ADGRL2: variants seen among roughly 807,000 people sequenced by gnomAD.
ADGRL2 encodes calcium-independent alpha-latrotoxin receptor 2.
ADGRL2 carries 44 observed loss-of-function variants against 157.4 expected under a neutral mutation model. That is an observed-to-expected ratio of 0.28 (90% confidence interval 0.22 to 0.36). The LOEUF is 0.36. Among genes scored for constraint, ADGRL2 ranks in the 10% least tolerant of loss-of-function variants. The pLI is 1.00. For missense variants in ADGRL2, 1,510 were observed against 1,768.9 expected, an observed-to-expected ratio of 0.85 and a Z score of 2.63; for synonymous variants, 585 against 624.7, an observed-to-expected ratio of 0.94 and a Z score of 0.95.
Position 81,360,591 on chromosome 1 carries a change from G to C in ADGRL2, c.-302+54082G>C, listed in dbSNP as rs1320660081. Among the ~76,000 whole-genome samples the C allele has an allele frequency of 3.9e-5, 6 of 151,974 alleles. No homozygotes were observed. In the East Asian group the frequency reaches 1.2e-3, roughly 29 times the overall value. ...GTTTTTAGTATCTTTTTAAAAATGT[G>C]CTTACTTTCTGTCTATGCCAAGTAA... On this transcript the variant is annotated intron_variant, in intron 1 of 24. Transcript: ENST00000370721.
chr1:81,375,419 T>G (rs756136244), intron 1 of ADGRL2, among the ~76,000 whole-genome samples: 1 of 152,190 alleles, frequency 6.6e-6, no homozygotes, highest in Admixed American at 6.5e-5. Flanking sequence ...GCAAGATGGA[T>G]CATTTACAAT....
intron 1 of ADGRL2, among the ~76,000 whole-genome samples, chr1:81,398,287 G>A (rs2076692526): frequency 6.6e-6 from 1 of 152,018 alleles, no homozygotes; most frequent in South Asian, 2.1e-4. Flanking sequence ...AGTAAGGAAT[G>A]TAATTTGTTT....
intron 2 of ADGRL2, among the ~76,000 whole-genome samples, chr1:81,839,850 CATAT>C (rs71676830): frequency 1.8e-5 from 2 of 112,052 alleles, no homozygotes; most frequent in Non-Finnish European, 3.6e-5. Context: ...TGTTTTCCAT[CATAT>C]ATATATATAT....
chr1:81,875,396 A>C (rs1200886503), intron 2 of ADGRL2, among the ~76,000 whole-genome samples: 1 of 152,230 alleles, frequency 6.6e-6, no homozygotes, highest in East Asian at 1.9e-4. Context: ...ATTTAACAAA[A>C]TACAGAATTT....
intron 3 of ADGRL2, among the ~76,000 whole-genome samples, chr1:81,921,768 T>C (rs2094984794): frequency 6.6e-6 from 1 of 152,214 alleles, no homozygotes; most frequent in Admixed American, 6.5e-5. Flanking sequence ...GTGTAAACTA[T>C]AAATCAGATA....
chr1:81,571,765 T>C (rs530703413), intron 2 of ADGRL2, among the ~76,000 whole-genome samples: 77 of 152,316 alleles, frequency 5.1e-4, no homozygotes, highest in Non-Finnish European at 1.0e-3. Context: ...AATTCTTAAT[T>C]CTGTCTGTAT....
chr1:81,494,438 C>G (rs1570274278), intron 2 of ADGRL2, among the ~76,000 whole-genome samples: 1 of 152,166 alleles, frequency 6.6e-6, no homozygotes, highest in Non-Finnish European at 1.5e-5. Flanking sequence ...GCAACTTTCC[C>G]ATCATCTGCA....
intron 1 of ADGRL2, among the ~76,000 whole-genome samples, chr1:81,760,567 T>G (rs901613682): frequency 1.3e-5 from 2 of 152,072 alleles, no homozygotes; most frequent in Non-Finnish European, 2.9e-5. Context: ...GCTGGTTTAT[T>G]ATATCATGGG....
intron 3 of ADGRL2, among the ~76,000 whole-genome samples, chr1:81,676,422 C>T (rs527254573): frequency 1.3e-5 from 2 of 152,046 alleles, no homozygotes; most frequent in South Asian, 2.1e-4. Context: ...CTCAGCCTCC[C>T]GAATAGCTAG....
In ADGRL2 at chr1:81,337,498, T is replaced by G. The variant is rs989293105; in HGVS notation, c.-302+30989T>G. Among the ~76,000 whole-genome samples, 6 of 152,220 alleles carry G rather than the reference T, an allele frequency of 3.9e-5. No individual in the cohort carries two copies. In the South Asian group the frequency reaches 8.3e-4, roughly 21 times the overall value. On this transcript the variant is annotated intron_variant, in intron 1 of 24. Transcript: ENST00000370721. ...CTGAGTAAACAAGCCATCCCCTTCA[T>G]GAAGACCGTGAAAGCATCAGACAAA...
chr1:81,788,100 A>G (rs2087143458), intron 2 of ADGRL2, among the ~76,000 whole-genome samples: 1 of 152,230 alleles, frequency 6.6e-6, no homozygotes, highest in Non-Finnish European at 1.5e-5. Flanking sequence ...CACCATTAAA[A>G]TAGAACATAA....
At chr1:81,535,322 A>G (rs1275823221) in intron 2 of ADGRL2, among the ~76,000 whole-genome samples, 2 of 152,176 alleles carry the variant, frequency 1.3e-5, no homozygotes, top group Non-Finnish European at 2.9e-5. Flanking sequence ...TTAAAGTTAT[A>G]TTGCTAACCA....
At chr1:81,584,100 A>G (rs908882864) in intron 3 of ADGRL2, among the ~76,000 whole-genome samples, 1 of 152,158 alleles carries the variant, frequency 6.6e-6, no homozygotes, top group African/African-American at 2.4e-5. Context: ...TTCAGAATTA[A>G]TCTTCTAAGG....
intron 1 of ADGRL2, among the ~76,000 whole-genome samples, chr1:81,330,056 G>A (rs573193936): frequency 2.6e-5 from 4 of 152,080 alleles, no homozygotes; most frequent in Non-Finnish European, 4.4e-5. Context: ...CAGTATTTTC[G>A]GTCATCCAAG....
intron 1 of ADGRL2, among the ~76,000 whole-genome samples, chr1:81,354,332 CA>C: frequency 6.6e-6 from 1 of 152,356 alleles, no homozygotes; most frequent in East Asian, 1.9e-4. Flanking sequence ...TCTTCCCCTA[CA>C]GCCAGAATTC....
intron 2 of ADGRL2, among the ~76,000 whole-genome samples, chr1:81,507,558 A>T (rs2079000316): frequency 6.6e-6 from 1 of 152,162 alleles, no homozygotes; most frequent in South Asian, 2.1e-4. Context: ...TATGGTGGCC[A>T]TTTATCTCAC....
intron 2 of ADGRL2, among the ~76,000 whole-genome samples, chr1:81,461,515 T>G (rs1421114889): frequency 6.6e-6 from 1 of 152,192 alleles, no homozygotes; most frequent in Non-Finnish European, 1.5e-5. Flanking sequence ...GTGTTAACTG[T>G]CCATTTATTG....
At position 81,953,276 on chromosome 1, in the gene ADGRL2, T is replaced by C. The variant is rs193045767; in HGVS notation, c.1833+251T>C. Reference sequence around the variant, plus strand: ...AATTTTAATGAAATATCCTCTTAATTGGAAAGTAATTATGTAGTCTCTTTG... The same window carrying C: ...AATTTTAATGAAATATCCTCTTAATCGGAAAGTAATTATGTAGTCTCTTTG... On this transcript the variant is annotated intron_variant, in intron 10 of 23. Coordinates refer to ENST00000686636, the MANE Select transcript of ADGRL2 (RefSeq NM_001366006.2). Among the ~76,000 whole-genome samples, 149 of 152,268 alleles carry C rather than the reference T, an allele frequency of 9.8e-4. 1 individual carries two copies. The highest frequency in any genetic ancestry group is 3.2e-3 in the African/African-American group (134 of 41,556).
At chr1:81,908,208 T>C (rs774504203) in intron 3 of ADGRL2, among the ~76,000 whole-genome samples, 1 of 152,216 alleles carries the variant, frequency 6.6e-6, no homozygotes, top group Non-Finnish European at 1.5e-5. Flanking sequence ...CTCTCATTGC[T>C]GTTCCTGTAA....
Sources: allele counts gnomAD v4.1 joint callset (sites outside exome capture counted in the v4.1 genomes callset), GRCh38; gene constraint gnomAD v4.1.1; transcripts MANE v1.5; gene names NCBI Gene and HGNC (gene_info 2026-07-23, HGNC 2026-07-21).